The following ZNF444 variants were observed in gnomAD, a reference collection of about 807,000 sequenced individuals.
ZNF444 encodes zinc finger protein 444.
In ZNF444, 8 loss-of-function variants were observed where a neutral mutation model predicts 14.4. The observed-to-expected ratio is 0.56, with a 90% confidence interval of 0.33 to 1.00. The LOEUF is 1.00. Among genes scored for constraint, ZNF444 ranks in the 50% least tolerant of loss-of-function variants. The pLI, the probability that ZNF444 is intolerant of heterozygous loss-of-function variation, is 0.03. For synonymous variants in ZNF444, 258 were observed against 235.9 expected, an observed-to-expected ratio of 1.09 and a Z score of -0.86; for missense variants, 510 against 504.8, an observed-to-expected ratio of 1.01 and a Z score of -0.10.
Position 56,160,279 on chromosome 19 carries a change from C to T in ZNF444, c.*78C>T. ...CCTGCTCTCTCCCAGCGCCACTTGG[C>T]CTCTTCCTCTCCTCCTTCCCTCCCA... On this transcript the variant is annotated 3_prime_UTR_variant, in exon 5 of 5. Coordinates refer to ENST00000337080, the MANE Select transcript of ZNF444 (RefSeq NM_018337.4). 8.4e-7 allele frequency: 1 copy of T among 1,192,272 alleles called. No individual in the cohort carries two copies. The highest frequency in any genetic ancestry group is 1.1e-6 in the Non-Finnish European group (1 of 906,696). 73.9% of individuals were successfully genotyped at this position (1,192,272 alleles called of 1,614,324 possible).
chr19:56,140,584 C>G (rs2030735850), upstream of ZNF444, among the ~76,000 whole-genome samples: 1 of 152,190 alleles, frequency 6.6e-6, no homozygotes, highest in African/African-American at 2.4e-5. Context: ...TGGCCCCCTC[C>G]TGAGCCACTG....
At chr19:56,158,410 A>T in intron 3 of ZNF444, 84 bp from the exon 4 acceptor site, 1 of 1,293,178 alleles carries the variant, frequency 7.7e-7, no homozygotes, top group Non-Finnish European at 1.1e-6. Context: ...ATGGGATTGC[A>T]CAGCTGGTCG....
chr19:56,146,018 C>A (rs939414843), intron 1 of ZNF444: 1 of 152,286 alleles, frequency 6.6e-6, no homozygotes, highest in African/African-American at 2.4e-5. Context: ...TTAAAAGCTT[C>A]GTCTCCAAAT....
rs1314935790 is a variant in ZNF444, at chr19:56,160,455, G to A, written c.*254G>A. On this transcript the variant is annotated 3_prime_UTR_variant, in exon 5 of 5. Coordinates refer to ENST00000337080, the MANE Select transcript of ZNF444 (RefSeq NM_018337.4). ...GATTTCTCGGCCTCTCTCTCTGTGT[G>A]AAGGGGCCTCTCCCTAATGTCTCCT... The A allele has an allele frequency of 4.4e-6, 2 of 459,728 alleles. No individual in the cohort carries two copies. The highest frequency in any genetic ancestry group is 2.1e-5 in the African/African-American group (1 of 48,068). The allele number at this position is 459,728 out of a possible 1,614,324, so 28.5% of individuals were successfully genotyped here. A position where few individuals can be genotyped will look rare whatever the true frequency, so the allele number is the denominator to read the frequency against.
At position 56,158,505 on chromosome 19, in the gene ZNF444, C is replaced by T. The variant is rs768725985; in HGVS notation, c.309C>T (p.Ala103=). Residue 103 remains alanine (A), a synonymous_variant, in exon 4 of 5, where the codon GCC becomes GCT. Coordinates refer to ENST00000337080, the MANE Select transcript of ZNF444 (RefSeq NM_018337.4). The part of the protein sequence containing the change: ...ALLEELWGPA[A]SPDGSSATRV... Reference sequence around the variant, plus strand: ...TGCTCTCATTTCAGGGGCCAGCAGCCTCCCCCGATGGGTCGTCAGCAACGA... The same window carrying T: ...TGCTCTCATTTCAGGGGCCAGCAGCTTCCCCCGATGGGTCGTCAGCAACGA... The T allele has an allele frequency of 1.2e-6, 2 of 1,608,766 alleles. No homozygotes were observed. Among genetic ancestry groups the T allele is most frequent in the East Asian group, 2.3e-5 (1 of 44,428 alleles).
Position 56,133,862 on chromosome 19 carries a change from G to A in ZNF444, c.-197+1084G>A, listed in dbSNP as rs192177688. ...TCCTGATGAGCTCTGCTGCCTCGCC[G>A]GGGGAGCATGAGGGGGAAGTCAGAT... On this transcript the variant is annotated intron_variant, in intron 1 of 2. Coordinates refer to the ZNF444 transcript ENST00000587467. Among the ~76,000 whole-genome samples the A allele has an allele frequency of 2.8e-4, 42 of 151,298 alleles. 1 individual carries two copies. The East Asian group carries it at 6.6e-3, about 24-fold the overall frequency.
intron 1 of ZNF444, chr19:56,142,348 G>A (rs1173947885): frequency 6.6e-6 from 1 of 152,280 alleles, no homozygotes; most frequent in African/African-American, 2.4e-5. Context: ...GCTGGTAGGA[G>A]GCAGAGCTGG....
chr19:56,148,211 C>T (rs1044293904), intron 3 of ZNF444, among the ~76,000 whole-genome samples: 1 of 152,176 alleles, frequency 6.6e-6, no homozygotes, highest in African/African-American at 2.4e-5. Context: ...GGGTGATGAG[C>T]GGTGGGCAGC....
intron 1 of ZNF444, among the ~76,000 whole-genome samples, chr19:56,133,964 G>C (rs1054293454): frequency 1.3e-5 from 2 of 152,090 alleles, no homozygotes; most frequent in Admixed American, 1.3e-4. Context: ...CCTGTTGCCT[G>C]GGAAGCCAAA....
Position 56,160,144 on chromosome 19 carries a change from G to A in ZNF444, c.927G>A (p.Gly309=). 9 of 1,484,134 alleles carry A rather than the reference G, an allele frequency of 6.1e-6. No homozygotes were observed. The highest frequency in any genetic ancestry group is 8.0e-6 in the Non-Finnish European group (9 of 1,125,964). 91.9% of individuals were successfully genotyped at this position (1,484,134 alleles called of 1,614,324 possible). ...IHGRAAASAQ[G]AVAPGPDGGG... is the part of the protein sequence containing the mutation. ...GCCGGGCAGCGGCCAGCGCGCAGGG[G>A]GCGGTAGCTCCGGGCCCGGATGGTG... is the stretch of plus-strand genomic sequence containing the variant. The change falls in exon 5 of 5, where the codon GGG becomes GGA. Residue 309 remains glycine, a synonymous_variant. Transcript: ENST00000337080.
At chr19:56,153,988 G>T (rs1437440711) in intron 3 of ZNF444, among the ~76,000 whole-genome samples, 1 of 152,200 alleles carries the variant, frequency 6.6e-6, no homozygotes, top group Non-Finnish European at 1.5e-5. Flanking sequence ...TCAGCAAGTT[G>T]ACTAGGAGGA....
At chr19:56,136,939 C>T (rs1281988422), upstream of ZNF444, among the ~76,000 whole-genome samples, 1 of 151,968 alleles carries the variant, frequency 6.6e-6, no homozygotes, top group Non-Finnish European at 1.5e-5. Context: ...CACCACTACA[C>T]CCAGCTAATT....
At chr19:56,133,581 G>GGC (rs1568543710) in intron 1 of ZNF444, among the ~76,000 whole-genome samples, 2 of 151,320 alleles carry the variant, frequency 1.3e-5, no homozygotes, top group African/African-American at 4.9e-5. Flanking sequence ...GGGAGGCCGA[G>GGC]ATGGGTGGAT....
Position 56,144,685 on chromosome 19 carries a change from G to T in ZNF444, c.-196-1562G>T, listed in dbSNP as rs1008248535. ...ACAGACTTCCTCTCAGACCTCACCG[G>T]CTAGAAGCAGATTATGTGCCCACCC... On this transcript the variant is annotated intron_variant, in intron 1 of 4. Coordinates refer to ENST00000337080, the MANE Select transcript of ZNF444 (RefSeq NM_018337.4). The surrounding 1 kb of genome is among the most constrained non-coding windows in gnomAD (Gnocchi z 4.0). Among the ~76,000 whole-genome samples, 4 of 152,150 alleles carry T rather than the reference G, an allele frequency of 2.6e-5. No homozygotes were observed. Among genetic ancestry groups the T allele is most frequent in the African/African-American group, 9.7e-5 (4 of 41,412 alleles).
intron 1 of ZNF444, among the ~76,000 whole-genome samples, chr19:56,142,950 A>G (rs767429266): frequency 1.6e-4 from 25 of 152,080 alleles, no homozygotes; most frequent in Non-Finnish European, 3.1e-4. Flanking sequence ...TCCCTATGGT[A>G]AGAGGGGACC....
chr19:56,142,618 C>G (rs973050975), intron 1 of ZNF444, among the ~76,000 whole-genome samples: 1 of 152,174 alleles, frequency 6.6e-6, no homozygotes, highest in Non-Finnish European at 1.5e-5. Context: ...GTAGACAAAC[C>G]GGTCTTTGTC....
intron 1 of ZNF444, among the ~76,000 whole-genome samples, chr19:56,134,031 A>G (rs1285131535): frequency 1.3e-5 from 2 of 151,934 alleles, no homozygotes; most frequent in Non-Finnish European, 2.9e-5. Context: ...ACACAGACTG[A>G]CATCCATACG....
intron 1 of ZNF444, among the ~76,000 whole-genome samples, chr19:56,135,188 G>A (rs907886085): frequency 7.9e-5 from 12 of 152,158 alleles, no homozygotes; most frequent in South Asian, 4.2e-4. Context: ...CCGAGATCGC[G>A]CCACTGCACT....
upstream of ZNF444, among the ~76,000 whole-genome samples, chr19:56,138,322 T>C (rs531868884): frequency 6.6e-6 from 1 of 152,092 alleles, no homozygotes; most frequent in Admixed American, 6.6e-5. Context: ...GAAGTATTAA[T>C]GTGGTCAAAA....
Sources: gnomAD v4.1 joint callset for allele counts (sites outside exome capture counted in the v4.1 genomes callset) on GRCh38, gnomAD v4.1.1 for gene constraint, Gnocchi (gnomAD v3.1) non-coding constraint, MANE v1.5 for transcripts, NCBI Gene and HGNC (gene_info 2026-07-23, HGNC 2026-07-21) for gene names.